CCDC73: variants seen among roughly 807,000 people sequenced by gnomAD.
CCDC73 encodes coiled-coil domain containing 73.
CCDC73 carries 95 observed loss-of-function variants against 116.5 expected under a neutral mutation model. The observed-to-expected ratio is 0.82, with a 90% confidence interval of 0.69 to 0.97. The LOEUF is 0.97. Among genes scored for constraint, CCDC73 ranks in the 50% least tolerant of loss-of-function variants. CCDC73 has a pLI of 0.00. For missense variants in CCDC73, 1,066 were observed against 1,206.8 expected, an observed-to-expected ratio of 0.88 and a Z score of 1.73; for synonymous variants, 398 against 401.3, an observed-to-expected ratio of 0.99 and a Z score of 0.10.
chr11:32,709,352 G>A (rs1334204816), intron 3 of CCDC73, among the ~76,000 whole-genome samples: 1 of 152,114 alleles, frequency 6.6e-6, no homozygotes, highest in Non-Finnish European at 1.5e-5. Flanking sequence ...AGGCTAGAGT[G>A]CAGTAATGTG....
chr11:32,714,693 G>A (rs1232898954), intron 3 of CCDC73, among the ~76,000 whole-genome samples: 1 of 152,050 alleles, frequency 6.6e-6, no homozygotes, highest in Middle Eastern at 3.2e-3. Flanking sequence ...AGCTTCAGAA[G>A]CAGACATATT....
chr11:32,667,655 C>T (rs11031928), intron 9 of CCDC73, among the ~76,000 whole-genome samples: 15,438 of 152,250 alleles, frequency 0.1, 1,054 homozygotes, highest in Non-Finnish European at 0.15. Context: ...TCTTGGTGGG[C>T]TACACCCACT....
At chr11:32,619,628 G>A (rs57153929) in intron 14 of CCDC73, among the ~76,000 whole-genome samples, 3,655 of 151,962 alleles carry the variant, frequency 0.024, 137 homozygotes, top group African/African-American at 0.084. Context: ...AGCTATGATT[G>A]TGCCACTGCA....
rs1565091464 is a variant in CCDC73, at chr11:32,745,723, T to TTTG, written c.135+14385_135+14386insCAA. Among the ~76,000 whole-genome samples, 17 of 142,840 alleles carry TTTG rather than the reference T, an allele frequency of 1.2e-4. 1 individual carries two copies. Among genetic ancestry groups the TTTG allele is most frequent in the South Asian group, 6.6e-4 (3 of 4,572 alleles). The allele number at this position is 142,840 out of a possible 152,430, so 93.7% of individuals were successfully genotyped here. A position where few individuals can be genotyped will look rare whatever the true frequency, so the allele number is the denominator to read the frequency against. On this transcript the variant is annotated intron_variant, in intron 2 of 17. Coordinates refer to ENST00000335185, the MANE Select transcript of CCDC73 (RefSeq NM_001008391.4). ...GGATTGCAACCCCTGGTTTTTGTTT[T>TTTG]TTTGTTTGTTTGTTTGTTTTGGTTT... is the stretch of plus-strand genomic sequence containing the variant.
chr11:32,608,459 G>A (rs1033017819), intron 17 of CCDC73, among the ~76,000 whole-genome samples: 7 of 152,182 alleles, frequency 4.6e-5, no homozygotes, highest in African/African-American at 1.7e-4. Flanking sequence ...TGCAAGAGGT[G>A]GGTTCTTATG....
At chr11:32,742,837 G>T (rs1399102429) in intron 2 of CCDC73, among the ~76,000 whole-genome samples, 1 of 152,110 alleles carries the variant, frequency 6.6e-6, no homozygotes, top group Non-Finnish European at 1.5e-5. Context: ...TTTGTATAAG[G>T]TGTAAGGAAG....
intron 1 of CCDC73, among the ~76,000 whole-genome samples, chr11:32,792,188 C>T (rs868108816): frequency 2.6e-5 from 4 of 151,996 alleles, no homozygotes; most frequent in Non-Finnish European, 5.9e-5. Context: ...TAGGACCCCA[C>T]GGTCTAGTGC....
intron 2 of CCDC73, among the ~76,000 whole-genome samples, chr11:32,743,623 A>G (rs566143291): frequency 2.0e-4 from 30 of 152,298 alleles, no homozygotes; most frequent in Non-Finnish European, 4.0e-4. Context: ...GGTCCTTCAC[A>G]TCCCTTGTAA....
At position 32,602,819 on chromosome 11, in the gene CCDC73, A is replaced by G. The variant is rs1346792374; in HGVS notation, c.3232T>C (p.Leu1078=). Residue 1078 remains leucine (L), a synonymous_variant, in exon 18 of 18, where the codon TTA becomes CTA. Coordinates refer to ENST00000335185, the MANE Select transcript of CCDC73 (RefSeq NM_001008391.4). ...GAAAGCACTTATCTACATTATTTTA[A>G]TCTGTTGTTTTTTTCCAACGTCTCT... ...AEETLEKNNR[L]K The G allele has an allele frequency of 1.9e-6, 3 of 1,586,432 alleles. No individual in the cohort carries two copies. The highest frequency in any genetic ancestry group is 1.4e-5 in the African/African-American group (1 of 73,364).
intron 17 of CCDC73, among the ~76,000 whole-genome samples, chr11:32,607,355 G>A (rs1855368177): frequency 1.3e-5 from 2 of 151,936 alleles, no homozygotes; most frequent in Non-Finnish European, 2.9e-5. Context: ...GCCTCCCAAA[G>A]TGCTGGGATT....
At chr11:32,738,770 G>A (rs967553248) in intron 2 of CCDC73, among the ~76,000 whole-genome samples, 1 of 152,006 alleles carries the variant, frequency 6.6e-6, no homozygotes, top group Non-Finnish European at 1.5e-5. Flanking sequence ...AGAAATCTCT[G>A]CCCAGTCCAA....
intron 12 of CCDC73, among the ~76,000 whole-genome samples, chr11:32,648,479 A>G (rs1038533729): frequency 6.6e-6 from 1 of 152,100 alleles, no homozygotes; most frequent in Non-Finnish European, 1.5e-5. Context: ...ATGAGCTGCT[A>G]TGATGTGCCA....
intron 2 of CCDC73, among the ~76,000 whole-genome samples, chr11:32,719,966 C>T (rs1228243959): frequency 2.0e-5 from 3 of 152,062 alleles, no homozygotes; most frequent in Non-Finnish European, 4.4e-5. Context: ...GAGAATACTA[C>T]CAAATATTTA....
intron 11 of CCDC73, 118 bp downstream of exon 11, chr11:32,653,860 C>A: frequency 8.7e-7 from 1 of 1,144,960 alleles, no homozygotes; most frequent in South Asian, 1.8e-5. Context: ...TACACATGTA[C>A]ATTTAATACA....
chr11:32,637,599 A>AAC (rs150198018), intron 13 of CCDC73, among the ~76,000 whole-genome samples: 9 of 148,572 alleles, frequency 6.1e-5, no homozygotes, highest in Admixed American at 6.7e-5. Flanking sequence ...CCTGCCCCCA[A>AAC]ACACACACAC....
chr11:32,799,546 A>C (rs1463265395), upstream of CCDC73, among the ~76,000 whole-genome samples: 8 of 152,208 alleles, frequency 5.3e-5, no homozygotes, highest in Non-Finnish European at 8.8e-5. Context: ...TTTTACACTT[A>C]ACATAGATTA....
chr11:32,625,064 G>A (rs960577162), intron 14 of CCDC73, among the ~76,000 whole-genome samples: 3 of 152,276 alleles, frequency 2.0e-5, no homozygotes, highest in East Asian at 1.9e-4. Flanking sequence ...GATCTTTGTT[G>A]GTTTAAAGTC....
At chr11:32,791,054 T>G (rs988015749) in intron 1 of CCDC73, among the ~76,000 whole-genome samples, 1 of 152,316 alleles carries the variant, frequency 6.6e-6, no homozygotes, top group Admixed American at 6.5e-5. Context: ...TCATTGAACT[T>G]AACTGAAAAT....
chr11:32,676,604 G>T (rs1040361350), intron 7 of CCDC73, among the ~76,000 whole-genome samples: 1 of 152,174 alleles, frequency 6.6e-6, no homozygotes, highest in Non-Finnish European at 1.5e-5. Context: ...AGGCAATATA[G>T]CAAGACCCCA....
Sources: allele counts gnomAD v4.1 joint callset (sites outside exome capture counted in the v4.1 genomes callset), GRCh38; gene constraint gnomAD v4.1.1; transcripts MANE v1.5; gene names NCBI Gene and HGNC (gene_info 2026-07-23, HGNC 2026-07-21).